ATP2B1: variants seen among roughly 807,000 people sequenced by gnomAD.
ATP2B1 encodes ATPase plasma membrane Ca2+ transporting 1, also known as plasma membrane calcium-transporting ATPase 1.
In ATP2B1, 14 loss-of-function variants were observed where a neutral mutation model predicts 124.2. The observed-to-expected ratio is 0.11, with a 90% CI of 0.07 to 0.18. The LOEUF is 0.18. Among genes scored for constraint, ATP2B1 ranks in the 10% least tolerant of loss-of-function variants. The probability of loss-of-function intolerance (pLI) is 1.00; values close to 1 mark genes in which losing one functional copy is unlikely to be tolerated. For missense variants in ATP2B1, 763 were observed against 1,466.1 expected (o/e 0.52, Z 7.83); for synonymous variants, 449 against 492.4 (o/e 0.91, Z 1.17).
chr12:89,643,091 CAT>C (rs1555201614), intron 2 of ATP2B1, among the ~76,000 whole-genome samples: 49 of 146,812 alleles, frequency 3.3e-4, no homozygotes, highest in Admixed American at 2.0e-3. Context: ...CACACACACA[CAT>C]ATATACATAC....
intron 7 of ATP2B1, 111 bp from the exon 8 acceptor site, chr12:89,626,726 A>G: frequency 7.9e-7 from 1 of 1,267,780 alleles, no homozygotes; most frequent in Non-Finnish European, 1.1e-6. Flanking sequence ...TAAAGGTATA[A>G]GCATTCAGCT....
intron 1 of ATP2B1, among the ~76,000 whole-genome samples, chr12:89,688,102 T>C (rs1427833613): frequency 6.6e-6 from 1 of 152,058 alleles, no homozygotes; most frequent in Admixed American, 6.6e-5. Flanking sequence ...CACTTTCTTA[T>C]AAATTAGACA....
chr12:89,620,677 T>C (rs1275588734), intron 10 of ATP2B1, among the ~76,000 whole-genome samples: 1 of 152,200 alleles, frequency 6.6e-6, no homozygotes, highest in Admixed American at 6.5e-5. Flanking sequence ...TAAAAGTACA[T>C]TCATTAAAAT....
chr12:89,665,621 C>A (rs1887223312), intron 1 of ATP2B1, among the ~76,000 whole-genome samples: 1 of 152,136 alleles, frequency 6.6e-6, no homozygotes, highest in Non-Finnish European at 1.5e-5. Context: ...ATATGAGAAC[C>A]AAATGTTCTA....
chr12:89,602,990 T>C (rs1876173207), intron 18 of ATP2B1, 53 bp downstream of exon 18: 3 of 1,510,002 alleles, frequency 2.0e-6, no homozygotes, highest in African/African-American at 2.7e-5. Flanking sequence ...GCTGTTTACC[T>C]AATGTCTCCC....
intron 1 of ATP2B1, among the ~76,000 whole-genome samples, chr12:89,691,810 G>A (rs1399466464): frequency 6.6e-6 from 1 of 152,072 alleles, no homozygotes; most frequent in Non-Finnish European, 1.5e-5. Context: ...TTGAGTCTAT[G>A]GGAATTTGAA....
intron 1 of ATP2B1, among the ~76,000 whole-genome samples, chr12:89,688,051 C>T (rs1890159629): frequency 1.3e-5 from 2 of 152,018 alleles, no homozygotes; most frequent in Non-Finnish European, 2.9e-5. Context: ...GACCACAGTG[C>T]TGACAAATCC....
chr12:89,601,007 G>T (rs1214044314), intron 19 of ATP2B1, among the ~76,000 whole-genome samples: 2 of 151,956 alleles, frequency 1.3e-5, no homozygotes, highest in African/African-American at 4.8e-5. Flanking sequence ...ATAGGTTATA[G>T]AGTAAAAGAT....
In ATP2B1 at chr12:89,610,042, AC is replaced by A. The variant is rs1425934291; in HGVS notation, c.2336del (p.Gly779ValfsTer2). 6.2e-7 allele frequency: 1 copy of A among 1,609,670 alleles called. No homozygotes were observed. Among genetic ancestry groups the A allele is most frequent in the African/African-American group, 1.3e-5 (1 of 74,830 alleles). ...SPTDKHTLVK[G>X]IIDSTVSDQR... ...GGTCTGAGACAGTGCTGTCAATTAT[AC>A]CTTAAATACAAGCAAATATTTGTGT... On this transcript the variant is annotated frameshift_variant and splice_region_variant, in exon 15 of 21. Coordinates refer to ENST00000428670, the MANE Select transcript of ATP2B1 (RefSeq NM_001366521.1). LOFTEE classifies it high-confidence loss of function.
intron 2 of ATP2B1, among the ~76,000 whole-genome samples, chr12:89,649,361 G>C (rs910679816): frequency 1.3e-5 from 2 of 152,272 alleles, no homozygotes; most frequent in African/African-American, 4.8e-5. Context: ...CTTTGTATCA[G>C]TGTGCCCTAG....
At chr12:89,626,046 T>C (rs936480816) in intron 8 of ATP2B1, among the ~76,000 whole-genome samples, 3 of 152,168 alleles carry the variant, frequency 2.0e-5, no homozygotes, top group African/African-American at 7.2e-5. Context: ...AACGACTCCA[T>C]TCAGTGCAGA....
intron 1 of ATP2B1, among the ~76,000 whole-genome samples, chr12:89,677,837 C>A (rs191971356): frequency 2.0e-5 from 3 of 151,384 alleles, no homozygotes; most frequent in African/African-American, 7.3e-5. Context: ...GCATAAAAGA[C>A]AAGTTTCAAA....
At position 89,624,407 on chromosome 12, in the gene ATP2B1, T is replaced by C; in HGVS notation, c.1130-10A>G. ...GCAGACATCAACAGACCTTTCAGAA[T>C]AGAAATGAAAGAAAAATGTGATTAT... On this transcript the variant is annotated splice_polypyrimidine_tract_variant and intron_variant, in intron 8 of 20. Coordinates refer to ENST00000428670, the MANE Select transcript of ATP2B1 (RefSeq NM_001366521.1). 1 of 1,597,568 alleles carries C rather than the reference T, an allele frequency of 6.3e-7. No homozygotes were observed. The highest frequency in any genetic ancestry group is 8.6e-7 in the Non-Finnish European group (1 of 1,169,584).
chr12:89,709,349 T>A (rs1220991824), upstream of ATP2B1: 1 of 151,814 alleles, frequency 6.6e-6, no homozygotes, highest in Non-Finnish European at 1.5e-5. Flanking sequence ...CCGCCTTGGC[T>A]GAGCGCGGTC....
intron 1 of ATP2B1, among the ~76,000 whole-genome samples, chr12:89,677,735 G>A (rs770776051): frequency 1.7e-4 from 25 of 151,402 alleles, no homozygotes; most frequent in Non-Finnish European, 1.8e-4. Context: ...TCATAAAATC[G>A]GGTGTGACTA....
chr12:89,708,162 C>A (rs71454166), intron 1 of ATP2B1, among the ~76,000 whole-genome samples: 10,447 of 152,168 alleles, frequency 0.069, 566 homozygotes, highest in East Asian at 0.17. Context: ...GAGGGGTGAC[C>A]CTCCCGGGGC....
chr12:89,647,647 GTGTC>G (rs1363734847), intron 2 of ATP2B1, among the ~76,000 whole-genome samples: 6 of 152,144 alleles, frequency 3.9e-5, no homozygotes, highest in Admixed American at 1.3e-4. Flanking sequence ...ATGTATATGT[GTGTC>G]TGTATGTGTT....
At chr12:89,640,058 T>C (rs1030542445) in intron 3 of ATP2B1, among the ~76,000 whole-genome samples, 2 of 152,170 alleles carry the variant, frequency 1.3e-5, no homozygotes, top group Admixed American at 6.6e-5. Flanking sequence ...CATGTATCTA[T>C]GCACCATCAT....
intron 15 of ATP2B1, among the ~76,000 whole-genome samples, chr12:89,607,016 G>A (rs755315534): frequency 2.6e-5 from 4 of 152,058 alleles, no homozygotes; most frequent in Non-Finnish European, 5.9e-5. Flanking sequence ...GTGTTAATTG[G>A]TATTCAAATA....
Sources: allele counts gnomAD v4.1 joint callset (sites outside exome capture counted in the v4.1 genomes callset), GRCh38; gene constraint gnomAD v4.1.1; transcripts MANE v1.5; gene names NCBI Gene and HGNC (gene_info 2026-07-23, HGNC 2026-07-21).